EYS: variants seen among roughly 807,000 people sequenced by gnomAD.
The protein encoded by EYS is protein eyes shut homolog.
Under a neutral mutation model 282.1 loss-of-function variants are expected in EYS, and 250 were observed. That is an observed-to-expected ratio of 0.89 (90% CI 0.80 to 0.98). EYS has a LOEUF of 0.98. EYS is among the 50% of genes least tolerant of loss of function. EYS has a pLI of 0.00. For missense variants in EYS, 4,016 were observed against 3,709.0 expected, an observed-to-expected ratio of 1.08 and a Z score of -2.15; for synonymous variants, 1,355 against 1,282.9, an observed-to-expected ratio of 1.06 and a Z score of -1.20.
At chr6:65,512,031 C>T (rs1276083512) in intron 2 of EYS, among the ~76,000 whole-genome samples, 4 of 142,480 alleles carry the variant, frequency 2.8e-5, no homozygotes, top group African/African-American at 5.2e-5. Flanking sequence ...AATCATATAA[C>T]TTGTATATGA....
chr6:64,825,512 T>C (rs528710981), intron 19 of EYS, among the ~76,000 whole-genome samples: 1 of 152,002 alleles, frequency 6.6e-6, no homozygotes, highest in Non-Finnish European at 1.5e-5. Flanking sequence ...GTATTTTGTT[T>C]TACAGATATC....
chr6:64,147,547 G>A (rs543724572), intron 31 of EYS, among the ~76,000 whole-genome samples: 2 of 152,258 alleles, frequency 1.3e-5, no homozygotes, highest in Admixed American at 1.3e-4. Context: ...ACATAGATGA[G>A]GGAAGTCCAT....
intron 23 of EYS, among the ~76,000 whole-genome samples, chr6:64,618,547 C>G (rs981263968): frequency 6.6e-6 from 1 of 152,082 alleles, no homozygotes. Flanking sequence ...ATTGTTTATA[C>G]TTAGGAAGAT....
At chr6:64,225,808 C>A (rs1222377175) in intron 31 of EYS, among the ~76,000 whole-genome samples, 1 of 152,098 alleles carries the variant, frequency 6.6e-6, no homozygotes, top group Non-Finnish European at 1.5e-5. Context: ...AACCTCCAGT[C>A]TACCTCTGAC....
intron 13 of EYS, among the ~76,000 whole-genome samples, chr6:65,004,127 A>G (rs1771558635): frequency 6.8e-6 from 1 of 147,596 alleles, no homozygotes; most frequent in African/African-American, 2.4e-5. Context: ...GTTATTTTGA[A>G]TACTGTAAAC....
rs1187362114 is a variant in EYS, at chr6:63,778,034, T to C, written c.7870A>G (p.Thr2624Ala). The stretch of plus-strand genomic sequence containing the variant: ...ACACTAGTTCCACTCTCTATGCATG[T>C]CCCACCATTGCCACATTTCATTAAA... Reference protein sequence around the residue: ...CSLMKCGNGGTCIESGTSVYC... With the variant: ...CSLMKCGNGGACIESGTSVYC... The change falls in exon 40 of 43, where the codon ACA (threonine) becomes GCA (alanine). Residue 2624 changes from threonine (T) to alanine (A), a missense_variant. By Grantham distance (58) the Thr-to-Ala change is moderately conservative. Transcript: ENST00000503581. 6.4e-7 allele frequency: 1 copy of C among 1,551,674 alleles called. No individual in the cohort carries two copies. Among genetic ancestry groups the C allele is most frequent in the Admixed American group, 2.0e-5 (1 of 51,008 alleles).
intron 10 of EYS, among the ~76,000 whole-genome samples, chr6:65,340,837 T>C (rs964844324): frequency 6.0e-5 from 9 of 150,932 alleles, no homozygotes; most frequent in African/African-American, 2.2e-4. Context: ...AGTGAATAAA[T>C]CCAAAGTTTC....
chr6:65,450,512 A>C (rs1221291396), intron 5 of EYS, among the ~76,000 whole-genome samples: 2 of 152,144 alleles, frequency 1.3e-5, no homozygotes, highest in Non-Finnish European at 2.9e-5. Flanking sequence ...CCATATGGTG[A>C]CCAGAAACTT....
chr6:64,219,852 TA>T (rs1328237941), intron 31 of EYS, among the ~76,000 whole-genome samples: 1 of 152,102 alleles, frequency 6.6e-6, no homozygotes, highest in East Asian at 1.9e-4. Context: ...TATGCAGCCA[TA>T]AAAAATGATG....
chr6:63,804,285 G>A (rs1371295478), intron 37 of EYS, among the ~76,000 whole-genome samples: 1 of 152,124 alleles, frequency 6.6e-6, no homozygotes, highest in Admixed American at 6.5e-5. Context: ...CAAAGTGCTG[G>A]GATTACAGGC....
At chr6:64,270,455 G>A (rs73766042) in intron 30 of EYS, among the ~76,000 whole-genome samples, 9,214 of 152,048 alleles carry the variant, frequency 0.061, 920 homozygotes, top group African/African-American at 0.21. Context: ...AGAGGTGAAC[G>A]AAAGCACCTA....
chr6:64,721,097 G>C (rs1299553186), intron 22 of EYS, among the ~76,000 whole-genome samples: 2 of 152,106 alleles, frequency 1.3e-5, no homozygotes, highest in Non-Finnish European at 2.9e-5. Flanking sequence ...GCTCTATTCT[G>C]GGCCTGGGGA....
Position 64,385,908 on chromosome 6 carries a change from C to T in EYS, c.6078+2782G>A, listed in dbSNP as rs77469448. On this transcript the variant is annotated intron_variant, in intron 29 of 42. Transcript: ENST00000503581. ...TGACATTTTTTTCCTTTGTCTACGG[C>T]CAGCCTCTCTATTCCTTAACTAATT... Among the ~76,000 whole-genome samples, 15 of 152,196 alleles carry T rather than the reference C, an allele frequency of 9.9e-5. No homozygotes were observed. The East Asian group carries it at 1.7e-3, about 18-fold the overall frequency.
At chr6:64,875,969 T>G (rs1766738858) in intron 19 of EYS, among the ~76,000 whole-genome samples, 1 of 152,000 alleles carries the variant, frequency 6.6e-6, no homozygotes, top group Non-Finnish European at 1.5e-5. Flanking sequence ...CAAGATTATT[T>G]TATATTATAT....
intron 2 of EYS, among the ~76,000 whole-genome samples, chr6:65,601,945 TATA>T (rs1484620211): frequency 6.6e-6 from 1 of 151,940 alleles, no homozygotes; most frequent in Non-Finnish European, 1.5e-5. Flanking sequence ...ATAGTGGGCT[TATA>T]ATGTTGGTAT....
intron 35 of EYS, among the ~76,000 whole-genome samples, chr6:63,920,067 T>C (rs1278755656): frequency 3.3e-5 from 5 of 152,220 alleles, no homozygotes; most frequent in Admixed American, 2.6e-4. Flanking sequence ...TCTATCTAGT[T>C]TGTGTGTATC....
chr6:65,328,574 T>A (rs1248825529), intron 11 of EYS, among the ~76,000 whole-genome samples: 8 of 150,998 alleles, frequency 5.3e-5, no homozygotes, highest in Non-Finnish European at 1.0e-4. Context: ...CTTTGAGAAA[T>A]CAAATTGGAC....
At chr6:64,915,139 C>G (rs917106186) in intron 15 of EYS, among the ~76,000 whole-genome samples, 10 of 151,934 alleles carry the variant, frequency 6.6e-5, no homozygotes, top group Admixed American at 2.6e-4. Context: ...TCCTATATCC[C>G]ATTACTGAAA....
At chr6:63,827,775 C>T (rs573618454) in intron 36 of EYS, among the ~76,000 whole-genome samples, 46 of 145,496 alleles carry the variant, frequency 3.2e-4, no homozygotes, top group East Asian at 4.1e-4. Context: ...ACCCGGGAAG[C>T]GGAGCTTGCA....
Sources: gnomAD v4.1 joint callset for allele counts (sites outside exome capture counted in the v4.1 genomes callset) on GRCh38, gnomAD v4.1.1 for gene constraint, MANE v1.5 for transcripts, NCBI Gene and HGNC (gene_info 2026-07-23, HGNC 2026-07-21) for gene names.